The following SLC4A10 variants were observed in gnomAD, a reference collection of about 807,000 sequenced individuals.
The protein encoded by SLC4A10 is sodium-driven chloride bicarbonate exchanger.
A neutral mutation model predicts 137.7 loss-of-function variants in SLC4A10; 42 were observed. That is an observed-to-expected ratio of 0.30 (90% CI 0.24 to 0.39). SLC4A10 has a LOEUF of 0.39. Ranked by LOEUF, SLC4A10 falls within the 10% of genes least tolerant of loss-of-function variation. The pLI is 1.00. For missense variants in SLC4A10, 925 were observed against 1,355.0 expected, an observed-to-expected ratio of 0.68 and a Z score of 4.98; for synonymous variants, 474 against 464.1, an observed-to-expected ratio of 1.02 and a Z score of -0.27.
intron 1 of SLC4A10, among the ~76,000 whole-genome samples, chr2:161,690,118 T>C (rs1274163811): frequency 3.9e-5 from 6 of 152,098 alleles, no homozygotes; most frequent in African/African-American, 1.2e-4. Context: ...AAACAACCCA[T>C]TAAAAAGTGG....
At chr2:161,851,469 C>G (rs571856804) in intron 4 of SLC4A10, among the ~76,000 whole-genome samples, 96 of 152,142 alleles carry the variant, frequency 6.3e-4, no homozygotes, top group Non-Finnish European at 9.9e-4. Flanking sequence ...ATGTAATCCT[C>G]TTCTTTTTAC....
chr2:161,828,931 C>T (rs1239685127), intron 3 of SLC4A10, among the ~76,000 whole-genome samples: 2 of 149,286 alleles, frequency 1.3e-5, no homozygotes, highest in South Asian at 4.3e-4. Flanking sequence ...CTAAATTATT[C>T]TATTAGAATA....
At chr2:161,625,928 T>G (rs1038588979) in intron 1 of SLC4A10, among the ~76,000 whole-genome samples, 1 of 152,080 alleles carries the variant, frequency 6.6e-6, no homozygotes, top group African/African-American at 2.4e-5. Flanking sequence ...TCAATTACCC[T>G]GTCTGCCTAA....
intron 1 of SLC4A10, among the ~76,000 whole-genome samples, chr2:161,634,828 G>A (rs2105435673): frequency 6.6e-6 from 1 of 151,840 alleles, no homozygotes; most frequent in African/African-American, 2.4e-5. Context: ...CTGTAGCTTG[G>A]TGCCCATTGA....
intron 17 of SLC4A10, 99 bp from the exon 18 acceptor site, chr2:161,949,049 G>A: frequency 1.4e-6 from 1 of 693,974 alleles, no homozygotes; most frequent in Non-Finnish European, 2.5e-6. Flanking sequence ...ATGATATTAT[G>A]TCATAAAGTG....
At chr2:161,974,166 G>T in intron 23 of SLC4A10, 83 bp from the exon 24 acceptor site, 2 of 1,162,482 alleles carry the variant, frequency 1.7e-6, no homozygotes, top group Non-Finnish European at 1.2e-6. Context: ...ATGAGATAAT[G>T]AAACATTAAT....
chr2:161,709,310 T>C (rs2044034009), intron 1 of SLC4A10, among the ~76,000 whole-genome samples: 1 of 151,650 alleles, frequency 6.6e-6, no homozygotes, highest in Admixed American at 6.6e-5. Flanking sequence ...GCTGCTACCA[T>C]TGTAGTGTGC....
intron 4 of SLC4A10, among the ~76,000 whole-genome samples, chr2:161,847,658 T>C (rs1215116230): frequency 6.6e-6 from 1 of 152,192 alleles, no homozygotes; most frequent in East Asian, 1.9e-4. Flanking sequence ...ATTAGTTCAC[T>C]TAGGATAATG....
intron 15 of SLC4A10, among the ~76,000 whole-genome samples, chr2:161,910,868 C>T (rs1401911229): frequency 6.6e-6 from 1 of 151,902 alleles, no homozygotes; most frequent in Non-Finnish European, 1.5e-5. Flanking sequence ...TAGATTTGAA[C>T]CTCCTTTAAA....
At chr2:161,668,774 C>T (rs1375748548) in intron 1 of SLC4A10, among the ~76,000 whole-genome samples, 1 of 151,728 alleles carries the variant, frequency 6.6e-6, no homozygotes, top group Non-Finnish European at 1.5e-5. Flanking sequence ...AAATTTCACC[C>T]TTTTTAGCAG....
At chr2:161,777,440 T>A (rs1292921948) in intron 2 of SLC4A10, among the ~76,000 whole-genome samples, 2 of 152,008 alleles carry the variant, frequency 1.3e-5, no homozygotes, top group Non-Finnish European at 2.9e-5. Context: ...AAATTCAATA[T>A]GATGAAATGT....
intron 15 of SLC4A10, among the ~76,000 whole-genome samples, chr2:161,923,663 G>A (rs1688535757): frequency 6.6e-6 from 1 of 151,730 alleles, no homozygotes; most frequent in Non-Finnish European, 1.5e-5. Context: ...ATCACACACC[G>A]GGGCCTGTTG....
intron 1 of SLC4A10, among the ~76,000 whole-genome samples, chr2:161,733,011 C>T (rs1259315659): frequency 6.6e-6 from 1 of 152,058 alleles, no homozygotes; most frequent in Non-Finnish European, 1.5e-5. Flanking sequence ...ACTTGGGTGT[C>T]GTTGAAAGCA....
chr2:161,767,176 ATATGTGTG>A (rs1302866743), intron 1 of SLC4A10, among the ~76,000 whole-genome samples: 1,090 of 30,444 alleles, frequency 0.036, 25 homozygotes, highest in African/African-American at 0.091. Flanking sequence ...TTATTTATAT[ATATGTGTG>A]TGTGTGTGTG....
At chr2:161,945,705 T>A (rs1693677524) in intron 16 of SLC4A10, among the ~76,000 whole-genome samples, 1 of 151,908 alleles carries the variant, frequency 6.6e-6, no homozygotes, top group Non-Finnish European at 1.5e-5. Context: ...AATTTTTCTC[T>A]TTTAAAATTA....
At chr2:161,956,845 GTGTT>G (rs1376292078) in intron 19 of SLC4A10, 140 bp from the exon 20 acceptor site, 28 of 873,682 alleles carry the variant, frequency 3.2e-5, no homozygotes, top group Middle Eastern at 3.4e-4. Context: ...TGGAAACTGA[GTGTT>G]TGTTTAAGAG....
chr2:161,710,630 C>A (rs1441726744), intron 1 of SLC4A10: 1 of 447,320 alleles, frequency 2.2e-6, no homozygotes, highest in African/African-American at 2.0e-5. Context: ...TAATCTTGAT[C>A]TTTGGAATGA....
chr2:161,676,320 G>T (rs868761059), intron 1 of SLC4A10, among the ~76,000 whole-genome samples: 1 of 151,404 alleles, frequency 6.6e-6, no homozygotes, highest in Non-Finnish European at 1.5e-5. Flanking sequence ...AAGACTGTGG[G>T]CACTGTCATG....
At chr2:161,873,554 A>T (rs1485837837) in intron 7 of SLC4A10, among the ~76,000 whole-genome samples, 1 of 151,406 alleles carries the variant, frequency 6.6e-6, no homozygotes, top group African/African-American at 2.4e-5. Flanking sequence ...AAAAAAAAAA[A>T]AAGACAATGC....
Sources: allele counts gnomAD v4.1 joint callset (sites outside exome capture counted in the v4.1 genomes callset), GRCh38; gene constraint gnomAD v4.1.1; transcripts MANE v1.5; gene names NCBI Gene and HGNC (gene_info 2026-07-23, HGNC 2026-07-21).